The following ATP10B variants were observed in gnomAD, a reference collection of about 807,000 sequenced individuals.
The protein encoded by ATP10B is phospholipid-transporting ATPase VB.
A neutral mutation model predicts 141.2 loss-of-function variants in ATP10B; 122 were observed. The ratio of observed to expected loss-of-function variants is 0.86; its 90% CI spans 0.75 to 1.00. The LOEUF is 1.00. Ranked by LOEUF, ATP10B falls within the 50% of genes least tolerant of loss-of-function variation. The pLI, the probability that ATP10B is intolerant of heterozygous loss-of-function variation, is 0.00. For synonymous variants in ATP10B, 685 were observed against 692.0 expected (o/e 0.99, Z 0.16); for missense variants, 1,876 against 1,825.3 (o/e 1.03, Z -0.51).
chr5:160,915,747 T>A, the ATP10B span, among the ~76,000 whole-genome samples: 3 of 151,900 alleles, frequency 2.0e-5, no homozygotes, highest in African/African-American at 7.3e-5. Context: ...AGCTGTAGGG[T>A]TTGGAAGAGA....
At chr5:160,686,016 G>T in intron 6 of ATP10B, 63 bp downstream of exon 6, 1 of 1,228,136 alleles carries the variant, frequency 8.1e-7, no homozygotes, top group Non-Finnish European at 1.1e-6. Flanking sequence ...CTCATCCTGA[G>T]GCTATGCTGA....
In ATP10B at chr5:160,674,407, C is replaced by T. The variant is rs555731609; in HGVS notation, c.471-3740G>A. Among the ~76,000 whole-genome samples, 12 of 152,290 alleles carry T rather than the reference C, an allele frequency of 7.9e-5. No homozygotes were observed. The South Asian group carries it at 2.3e-3, about 29-fold the overall frequency. ...TGAGCTGTCACTTCTGTGAGCTGGGCTGGAGTATTGTCCTGTCAAGTCCTG... is the reference window on the plus strand; with the variant it reads ...TGAGCTGTCACTTCTGTGAGCTGGGTTGGAGTATTGTCCTGTCAAGTCCTG... On this transcript the variant is annotated intron_variant, in intron 6 of 25. Transcript: ENST00000327245.
At chr5:160,869,808 T>C in the ATP10B span, among the ~76,000 whole-genome samples, 1 of 152,146 alleles carries the variant, frequency 6.6e-6, no homozygotes, top group Non-Finnish European at 1.5e-5. Context: ...GAGACTTAAC[T>C]GTGGACAAAT....
chr5:160,628,910 A>G (rs1758760400), intron 13 of ATP10B, among the ~76,000 whole-genome samples: 1 of 151,842 alleles, frequency 6.6e-6, no homozygotes, highest in Non-Finnish European at 1.5e-5. Flanking sequence ...TTAGGTGACA[A>G]TCACTGATGG....
intron 2 of ATP10B, among the ~76,000 whole-genome samples, chr5:160,777,059 T>C (rs1581511921): frequency 6.6e-6 from 1 of 152,148 alleles, no homozygotes; most frequent in Admixed American, 6.6e-5. Flanking sequence ...TGGCAAATTA[T>C]AAAGTTGGGG....
intron 6 of ATP10B, among the ~76,000 whole-genome samples, chr5:160,684,592 C>A (rs762337017): frequency 6.6e-6 from 1 of 152,300 alleles, no homozygotes; most frequent in Non-Finnish European, 1.5e-5. Flanking sequence ...AAATGTTAGA[C>A]ACATTTGAAA....
At chr5:160,759,281 A>T (rs1041252245) in intron 2 of ATP10B, among the ~76,000 whole-genome samples, 6 of 152,186 alleles carry the variant, frequency 3.9e-5, no homozygotes, top group African/African-American at 1.4e-4. Flanking sequence ...TGTCTGGTGG[A>T]TCTATCTAGA....
intron 7 of ATP10B, among the ~76,000 whole-genome samples, chr5:160,652,680 AATAC>A (rs1760841565): frequency 7.6e-6 from 1 of 132,144 alleles, no homozygotes; most frequent in East Asian, 2.1e-4. Flanking sequence ...TACATATATA[AATAC>A]ATATGTATAA....
chr5:160,705,108 C>T (rs1278121273), intron 3 of ATP10B, among the ~76,000 whole-genome samples: 17 of 151,378 alleles, frequency 1.1e-4, no homozygotes, highest in African/African-American at 3.2e-4. Context: ...TTAGTAGAGA[C>T]GGGGTTTCAC....
the ATP10B span, among the ~76,000 whole-genome samples, chr5:160,920,777 T>C: frequency 6.6e-6 from 1 of 152,180 alleles, no homozygotes; most frequent in African/African-American, 2.4e-5. Context: ...AAAATGGAGA[T>C]TCTGATTCTA....
Position 160,620,397 on chromosome 5 carries a change from G to A in ATP10B, c.2366C>T (p.Thr789Ile), listed in dbSNP as rs1758258885. The A allele has an allele frequency of 6.2e-7, 1 of 1,614,116 alleles. No homozygotes were observed. Among genetic ancestry groups the A allele is most frequent in the African/African-American group, 1.3e-5 (1 of 75,062 alleles). ...CATGATGACCGAGTCAGCACCCTTG[G>A]TGTAGACAACAATCTCGCCAGTCAG... is the stretch of plus-strand genomic sequence containing the variant. ...HPLTGEIVVYTKGADSVIMDL... is the reference protein window; with the variant it reads ...HPLTGEIVVYIKGADSVIMDL... The change falls in exon 15 of 26, where the codon ACC becomes ATC. Residue 789 changes from threonine (T) to isoleucine (I), a missense_variant. Coordinates refer to ENST00000327245, the MANE Select transcript of ATP10B (RefSeq NM_025153.3).
intron 7 of ATP10B, among the ~76,000 whole-genome samples, 176 bp downstream of exon 7, chr5:160,670,287 C>G (rs1762592611): frequency 6.6e-6 from 1 of 152,142 alleles, no homozygotes; most frequent in Non-Finnish European, 1.5e-5. Flanking sequence ...CTGTGATATG[C>G]AGATAATATC....
the ATP10B span, among the ~76,000 whole-genome samples, chr5:160,877,515 G>A: frequency 6.7e-6 from 1 of 149,624 alleles, no homozygotes; most frequent in Non-Finnish European, 1.5e-5. Flanking sequence ...ATTCAACATA[G>A]TGTTGGAAGT....
intron 22 of ATP10B, among the ~76,000 whole-genome samples, chr5:160,598,477 T>C (rs544252195): frequency 6.6e-6 from 1 of 152,082 alleles, no homozygotes; most frequent in Admixed American, 6.5e-5. Flanking sequence ...GCATGGCACA[T>C]GTATACATAT....
the ATP10B span, among the ~76,000 whole-genome samples, chr5:160,874,177 G>A: frequency 6.6e-6 from 1 of 152,146 alleles, no homozygotes; most frequent in African/African-American, 2.4e-5. Context: ...CCAGCACGCA[G>A]CTGGAGATCT....
intron 2 of ATP10B, among the ~76,000 whole-genome samples, chr5:160,766,293 C>G (rs868821136): frequency 6.8e-6 from 1 of 147,136 alleles, no homozygotes; most frequent in Non-Finnish European, 1.5e-5. Flanking sequence ...TGCAAAAATA[C>G]GGAACCAGCC....
At chr5:160,802,636 C>T (rs922255890) in intron 1 of ATP10B, among the ~76,000 whole-genome samples, 16 of 152,200 alleles carry the variant, frequency 1.1e-4, no homozygotes, top group Admixed American at 9.2e-4. Flanking sequence ...CTGCTAAGTT[C>T]ACATGGAGAG....
chr5:160,599,912 C>T (rs1026713659), intron 21 of ATP10B, among the ~76,000 whole-genome samples: 2 of 152,160 alleles, frequency 1.3e-5, no homozygotes, highest in Admixed American at 6.5e-5. Flanking sequence ...AAGGGTCTTG[C>T]AAGAAATCAT....
In ATP10B at chr5:160,852,154, T is replaced by A. The variant is rs1473938131; in HGVS notation, c.-789A>T. 6.6e-6 allele frequency: 1 copy of A among 152,132 alleles called. No homozygotes were observed. Among genetic ancestry groups the A allele is most frequent in the African/African-American group, 2.4e-5 (1 of 41,434 alleles). 9.4% of individuals were successfully genotyped at this position (152,132 alleles called of 1,614,324 possible). A position where few individuals can be genotyped will look rare whatever the true frequency, so the allele number is the denominator to read the frequency against. On this transcript the variant is annotated 5_prime_UTR_variant, in exon 1 of 26. Transcript: ENST00000327245. Reference sequence around the variant, plus strand: ...AGATGACACACTGAAAAGAAATAACTGTGACCAATGAAAGAAAAAGGAAAA... The same window carrying A: ...AGATGACACACTGAAAAGAAATAACAGTGACCAATGAAAGAAAAAGGAAAA...
Sources: gnomAD v4.1 joint callset for allele counts (sites outside exome capture counted in the v4.1 genomes callset) on GRCh38, gnomAD v4.1.1 for gene constraint, MANE v1.5 for transcripts, NCBI Gene and HGNC (gene_info 2026-07-23, HGNC 2026-07-21) for gene names.